The following TANC1 variants were observed in gnomAD, a reference collection of about 807,000 sequenced individuals.
The protein encoded by TANC1 is protein TANC1.
Under a neutral mutation model 149.7 loss-of-function variants are expected in TANC1, and 77 were observed. The ratio of observed to expected loss-of-function variants is 0.51; its 90% CI spans 0.43 to 0.62. TANC1 has a LOEUF of 0.62. TANC1 is among the 20% of genes least tolerant of loss of function. TANC1 has a pLI of 0.00. For synonymous variants in TANC1, 854 were observed against 925.0 expected, an observed-to-expected ratio of 0.92 and a Z score of 1.39; for missense variants, 1,985 against 2,321.8, an observed-to-expected ratio of 0.85 and a Z score of 2.98.
rs139694404 is a variant in TANC1, at chr2:159,100,145, C to T, written c.259+2311C>T. Among the ~76,000 whole-genome samples the T allele has an allele frequency of 5.7e-3, 870 of 152,308 alleles. 1 individual carries two copies. Among genetic ancestry groups the T allele is most frequent in the Non-Finnish European group, 0.01 (683 of 68,024 alleles). On this transcript the variant is annotated intron_variant, in intron 4 of 26. Transcript: ENST00000263635. ...AAGTGCAGAGATTTGACCTTTTGTA[C>T]AATTTGCCTACCTATAGTCTGTGCT...
chr2:159,028,945 A>G (rs1379279285), intron 2 of TANC1, among the ~76,000 whole-genome samples: 2 of 152,042 alleles, frequency 1.3e-5, no homozygotes, highest in Admixed American at 6.6e-5. Context: ...TATAGAGATG[A>G]GGATCTTGCT....
At chr2:159,049,816 T>C (rs748127827) in intron 2 of TANC1, among the ~76,000 whole-genome samples, 2 of 152,090 alleles carry the variant, frequency 1.3e-5, no homozygotes, top group East Asian at 1.9e-4. Flanking sequence ...GTTTTGGAAG[T>C]GGGGAGAGGA....
At chr2:159,222,088 G>C (rs1050824775) in intron 22 of TANC1, among the ~76,000 whole-genome samples, 3 of 152,138 alleles carry the variant, frequency 2.0e-5, no homozygotes, top group Non-Finnish European at 4.4e-5. Context: ...ATAAACTTCA[G>C]TACCTTGTAA....
In TANC1 at chr2:159,019,755, G is replaced by A. The variant is rs192874311; in HGVS notation, c.-16+18566G>A. Among the ~76,000 whole-genome samples the A allele has an allele frequency of 2.8e-5, 4 of 143,352 alleles. No individual in the cohort carries two copies. The Admixed American group carries it at 2.9e-4, about 11-fold the overall frequency. The allele number at this position is 143,352 out of a possible 152,430, so 94.0% of individuals were successfully genotyped here. A position where few individuals can be genotyped will look rare whatever the true frequency, so the allele number is the denominator to read the frequency against. On this transcript the variant is annotated intron_variant, in intron 2 of 26. Coordinates refer to ENST00000263635, the MANE Select transcript of TANC1 (RefSeq NM_033394.3). The stretch of plus-strand genomic sequence containing the variant: ...ATGATCTCTGCTCACAAAGTAGCTG[G>A]GACTACAGGTGCGTGCCACCATGTC...
chr2:159,213,254 C>G (rs1432941985), intron 19 of TANC1, among the ~76,000 whole-genome samples: 1 of 151,966 alleles, frequency 6.6e-6, no homozygotes, highest in Non-Finnish European at 1.5e-5. Flanking sequence ...TAAAAGTACC[C>G]CAAGCCTTAT....
At chr2:159,136,002 TTGTGTGTGTGTGTGTGTGTGTG>T (rs754052800) in intron 4 of TANC1, among the ~76,000 whole-genome samples, 170 bp from the exon 5 acceptor site, 14 of 107,776 alleles carry the variant, frequency 1.3e-4, no homozygotes, top group Admixed American at 2.7e-4. Flanking sequence ...TACTGAAATT[TTGTGTGTGTGTGTGTGTGTGTG>T]TGTGTGTGTG....
intron 2 of TANC1, among the ~76,000 whole-genome samples, chr2:159,045,804 G>A (rs928555624): frequency 4.6e-5 from 7 of 152,028 alleles, no homozygotes; most frequent in African/African-American, 7.3e-5. Flanking sequence ...AATTCATATC[G>A]TAAAACTATT....
chr2:159,189,815 A>G (rs968768628), intron 16 of TANC1, among the ~76,000 whole-genome samples: 3 of 152,076 alleles, frequency 2.0e-5, no homozygotes, highest in African/African-American at 7.3e-5. Flanking sequence ...CAGTTAAGTC[A>G]GAATCTCCAA....
intron 1 of TANC1, among the ~76,000 whole-genome samples, chr2:158,992,934 C>A (rs1380606529): frequency 6.6e-6 from 1 of 152,116 alleles, no homozygotes; most frequent in East Asian, 1.9e-4. Context: ...TCACTTGCAC[C>A]TTTACTCGTG....
intron 4 of TANC1, among the ~76,000 whole-genome samples, chr2:159,102,282 T>A (rs2046801971): frequency 6.6e-6 from 1 of 152,124 alleles, no homozygotes; most frequent in South Asian, 2.1e-4. Context: ...TCACTTAAGT[T>A]TTTTTTATTT....
intron 3 of TANC1, among the ~76,000 whole-genome samples, chr2:159,091,588 C>T (rs779441291): frequency 1.3e-5 from 2 of 152,114 alleles, no homozygotes; most frequent in Non-Finnish European, 2.9e-5. Context: ...CACATTTGTA[C>T]GTTTGGTTCT....
At chr2:159,013,670 A>G (rs2149388181) in intron 2 of TANC1, among the ~76,000 whole-genome samples, 1 of 152,302 alleles carries the variant, frequency 6.6e-6, no homozygotes, top group South Asian at 2.1e-4. Flanking sequence ...GGAGATTTGC[A>G]GAATATTGTC....
At chr2:159,109,180 C>T (rs2047476436) in intron 4 of TANC1, among the ~76,000 whole-genome samples, 1 of 152,192 alleles carries the variant, frequency 6.6e-6, no homozygotes, top group Non-Finnish European at 1.5e-5. Flanking sequence ...AGGGTCCTGA[C>T]AGATGCAGGC....
chr2:159,022,828 G>C (rs1372622786), intron 2 of TANC1, among the ~76,000 whole-genome samples: 1 of 152,164 alleles, frequency 6.6e-6, no homozygotes, highest in African/African-American at 2.4e-5. Flanking sequence ...AAGCACACAG[G>C]CTTTGTAGCT....
intron 2 of TANC1, among the ~76,000 whole-genome samples, chr2:159,049,394 G>T (rs944004288): frequency 1.3e-5 from 2 of 152,178 alleles, no homozygotes; most frequent in Admixed American, 1.3e-4. Flanking sequence ...AAGAATTTAT[G>T]TAAGTGTTGT....
intron 16 of TANC1, among the ~76,000 whole-genome samples, chr2:159,187,306 A>T (rs2057066755): frequency 6.6e-6 from 1 of 152,254 alleles, no homozygotes; most frequent in Non-Finnish European, 1.5e-5. Context: ...TTACAAAAGA[A>T]ATCAAAGATC....
intron 3 of TANC1, 80 bp from the exon 4 acceptor site, chr2:159,097,557 A>G: frequency 1.9e-6 from 2 of 1,063,882 alleles, no homozygotes; most frequent in East Asian, 4.8e-5. Flanking sequence ...ATATTCTGAG[A>G]ATATAGTTTA....
At position 159,232,624 on chromosome 2, in the gene TANC1, G is replaced by T. The variant is rs566074861; in HGVS notation, c.*1612G>T. ...TTAGTTTTGTTTCTGCACAACTACT[G>T]TACTTTTCCATATGGAATAAAGACT... On this transcript the variant is annotated 3_prime_UTR_variant, in exon 27 of 27. Coordinates refer to ENST00000263635, the MANE Select transcript of TANC1 (RefSeq NM_033394.3). 2 of 152,658 alleles carry T rather than the reference G, an allele frequency of 1.3e-5. No homozygotes were observed. Among genetic ancestry groups the T allele is most frequent in the Admixed American group, 6.5e-5 (1 of 15,294 alleles). 9.5% of individuals were successfully genotyped at this position (152,658 alleles called of 1,614,324 possible).
At chr2:159,011,008 C>A (rs924526994) in intron 2 of TANC1, among the ~76,000 whole-genome samples, 3 of 152,044 alleles carry the variant, frequency 2.0e-5, no homozygotes, top group African/African-American at 7.2e-5. Context: ...AATACTATCC[C>A]CATGAGTGTT....
Sources: gnomAD v4.1 joint callset for allele counts (sites outside exome capture counted in the v4.1 genomes callset) on GRCh38, gnomAD v4.1.1 for gene constraint, MANE v1.5 for transcripts, NCBI Gene and HGNC (gene_info 2026-07-23, HGNC 2026-07-21) for gene names.